Variants in TTC39B observed in about 807,000 individuals in gnomAD.
TTC39B encodes the protein tetratricopeptide repeat domain 39B, also known as tetratricopeptide repeat protein 39B.
TTC39B carries 92 observed loss-of-function variants against 96.6 expected under a neutral mutation model. The observed-to-expected ratio is 0.95, with a 90% CI of 0.80 to 1.13. TTC39B has a LOEUF of 1.13. Among genes scored for constraint, TTC39B ranks in the 50% most tolerant of loss-of-function variants. The probability of loss-of-function intolerance (pLI) is 0.00; values close to 1 mark genes in which losing one functional copy is unlikely to be tolerated. For missense variants in TTC39B, 955 were observed against 809.3 expected (o/e 1.18, Z -2.18); for synonymous variants, 367 against 299.4 (o/e 1.23, Z -2.33).
At position 15,302,261 on chromosome 9, in the gene TTC39B, C is replaced by T. The variant is rs1443810178; in HGVS notation, c.240+4823G>A. ...GAATCACTTGAGCCCGGGAGGCAGA[C>T]GTTACAGTGAGCCAAGATCATGCCA... On this transcript the variant is annotated intron_variant, in intron 1 of 19. Transcript: ENST00000512701. Among the ~76,000 whole-genome samples the T allele has an allele frequency of 3.4e-5, 5 of 148,984 alleles. No homozygotes were observed. In the East Asian group the frequency reaches 1.0e-3, roughly 31 times the overall value.
intron 3 of TTC39B, among the ~76,000 whole-genome samples, chr9:15,217,625 C>T (rs1186987994): frequency 6.6e-6 from 1 of 152,190 alleles, no homozygotes; most frequent in Non-Finnish European, 1.5e-5. Flanking sequence ...TTCATTTCCA[C>T]TGCCATCACA....
intron 2 of TTC39B, among the ~76,000 whole-genome samples, chr9:15,233,128 C>G (rs1396851683): frequency 5.9e-5 from 9 of 152,144 alleles, no homozygotes; most frequent in Non-Finnish European, 4.4e-5. Context: ...CAGATAACAC[C>G]AGGGTGTAGC....
intron 2 of TTC39B, among the ~76,000 whole-genome samples, chr9:15,232,665 T>C (rs909907511): frequency 1.3e-5 from 2 of 152,048 alleles, no homozygotes; most frequent in Non-Finnish European, 2.9e-5. Context: ...GAGACTAATA[T>C]CCTTTAAAAA....
chr9:15,282,961 T>C (rs562864921), intron 1 of TTC39B, among the ~76,000 whole-genome samples: 63 of 152,360 alleles, frequency 4.1e-4, no homozygotes, highest in Non-Finnish European at 7.8e-4. Context: ...GCCAGAGCTG[T>C]ACAGACACTG....
chr9:15,246,147 G>T (rs185963569), intron 2 of TTC39B, among the ~76,000 whole-genome samples: 7 of 152,242 alleles, frequency 4.6e-5, no homozygotes, highest in Admixed American at 3.3e-4. Flanking sequence ...CGGCTACTAG[G>T]GAGTCTGAGG....
In TTC39B at chr9:15,189,442, T is replaced by C. The variant is rs1033100238; in HGVS notation, c.1233+132A>G. The C allele has an allele frequency of 5.8e-6, 5 of 861,430 alleles. No individual in the cohort carries two copies. In the African/African-American group the frequency reaches 7.0e-5, roughly 12 times the overall value. 53.4% of individuals were successfully genotyped at this position (861,430 alleles called of 1,614,324 possible). On this transcript the variant is annotated intron_variant, in intron 13 of 19. Transcript: ENST00000512701. ...GTTAAAAGTTTTGGCTTTTTACTTA[T>C]ATATTTTTTTCTTTATTTTTGTCTA...
exon 20 of TTC39B, chr9:15,167,007 TATATATATA>T (rs1564299786): frequency 3.4e-3 from 25 of 7,378 alleles, no homozygotes; most frequent in East Asian, 6.9e-3. Context: ...TATATATATA[TATATATATA>T]TATATATATA....
intron 11 of TTC39B, 138 bp from the exon 12 acceptor site, chr9:15,189,930 T>TG (rs1161619120): frequency 3.1e-6 from 2 of 651,266 alleles, no homozygotes; most frequent in Non-Finnish European, 5.4e-6. Context: ...TTTTTATATC[T>TG]GGGGAATAAA....
chr9:15,192,882 G>C (rs1299825593), intron 8 of TTC39B, among the ~76,000 whole-genome samples, 187 bp from the exon 9 acceptor site: 1 of 152,128 alleles, frequency 6.6e-6, no homozygotes, highest in Non-Finnish European at 1.5e-5. Context: ...AAAGAAAAAG[G>C]AGATGCTCAT....
chr9:15,293,240 G>A (rs2156110), intron 1 of TTC39B, among the ~76,000 whole-genome samples: 134,035 of 151,844 alleles, frequency 0.88, 59,216 homozygotes, highest in East Asian at 0.97. Context: ...GAGCCTAGGT[G>A]TGTAGTAGGC....
At chr9:15,212,587 G>A (rs866334983) in intron 4 of TTC39B, among the ~76,000 whole-genome samples, 1 of 152,040 alleles carries the variant, frequency 6.6e-6, no homozygotes, top group African/African-American at 2.4e-5. Context: ...CACCATGCCT[G>A]GCTAATTTTT....
chr9:15,234,674 GT>G (rs774347453), intron 2 of TTC39B, among the ~76,000 whole-genome samples: 2 of 152,014 alleles, frequency 1.3e-5, no homozygotes, highest in Non-Finnish European at 2.9e-5. Flanking sequence ...TTTTCATTTT[GT>G]TCTGTACTAA....
At chr9:15,300,891 CAAAAAAAA>C (rs71491658) in intron 1 of TTC39B, among the ~76,000 whole-genome samples, 2 of 81,166 alleles carry the variant, frequency 2.5e-5, no homozygotes, top group African/African-American at 7.7e-5. Context: ...AACTCCGTCT[CAAAAAAAA>C]AAAAAAAAAA....
At chr9:15,250,259 T>C in intron 2 of TTC39B, 3 of 1,083,450 alleles carry the variant, frequency 2.8e-6, no homozygotes, top group Non-Finnish European at 3.4e-6. Context: ...CCCCAATCTC[T>C]GCTGCAGCCT....
intron 17 of TTC39B, 114 bp downstream of exon 17, chr9:15,182,193 C>T (rs1192175445): frequency 3.2e-6 from 2 of 617,852 alleles, no homozygotes; most frequent in Admixed American, 3.5e-5. Context: ...AGCTCAAGCT[C>T]TTTGTCCTTG....
exon 20 of TTC39B, chr9:15,171,504 C>T (rs896035685): frequency 3.3e-5 from 5 of 152,372 alleles, no homozygotes; most frequent in African/African-American, 1.2e-4. Context: ...TTATATCGAT[C>T]CGTGTTCATG....
chr9:15,222,721 C>T (rs1015333831), intron 3 of TTC39B, among the ~76,000 whole-genome samples: 6 of 152,184 alleles, frequency 3.9e-5, no homozygotes, highest in African/African-American at 1.4e-4. Flanking sequence ...GGTAAGTGAA[C>T]TACAAAGAAG....
At chr9:15,301,617 G>C (rs556890618) in intron 1 of TTC39B, among the ~76,000 whole-genome samples, 1 of 151,970 alleles carries the variant, frequency 6.6e-6, no homozygotes, top group Non-Finnish European at 1.5e-5. Flanking sequence ...TTGGATGGTC[G>C]TGGTGGTGCA....
chr9:15,248,084 A>C (rs1452318147), intron 2 of TTC39B, among the ~76,000 whole-genome samples: 1 of 152,210 alleles, frequency 6.6e-6, no homozygotes, highest in African/African-American at 2.4e-5. Flanking sequence ...TTAAAAGCCA[A>C]AAACAGATTT....
Sources: allele counts gnomAD v4.1 joint callset (sites outside exome capture counted in the v4.1 genomes callset), GRCh38; gene constraint gnomAD v4.1.1; transcripts MANE v1.5; gene names NCBI Gene and HGNC (gene_info 2026-07-23, HGNC 2026-07-21).